The following MYT1L variants were observed in gnomAD, a reference collection of about 807,000 sequenced individuals.
MYT1L encodes myelin transcription factor 1 like.
In MYT1L, 12 loss-of-function variants were observed where a neutral mutation model predicts 126.7. That is an observed-to-expected ratio of 0.09 (90% CI 0.06 to 0.15). The LOEUF (loss-of-function observed/expected upper bound fraction) is 0.15, where lower values mean the gene tolerates loss of function less well. Among genes scored for constraint, MYT1L ranks in the 10% least tolerant of loss-of-function variants. MYT1L has a pLI of 1.00. For synonymous variants in MYT1L, 541 were observed against 604.2 expected, an observed-to-expected ratio of 0.90 and a Z score of 1.53; for missense variants, 979 against 1,585.2, an observed-to-expected ratio of 0.62 and a Z score of 6.49.
At chr2:2,144,196 G>A (rs1447441188) in intron 3 of MYT1L, among the ~76,000 whole-genome samples, 1 of 152,096 alleles carries the variant, frequency 6.6e-6, no homozygotes, top group Non-Finnish European at 1.5e-5. Flanking sequence ...CGTCAGGTGG[G>A]GGTGGGGGAG....
intron 18 of MYT1L, among the ~76,000 whole-genome samples, chr2:1,873,354 C>A (rs1056979176): frequency 1.3e-5 from 2 of 152,196 alleles, no homozygotes; most frequent in African/African-American, 2.4e-5. Context: ...AAGCTAAAGG[C>A]AGACATTTTT....
chr2:1,863,919 G>A (rs1039351203), intron 18 of MYT1L, among the ~76,000 whole-genome samples: 3 of 152,220 alleles, frequency 2.0e-5, no homozygotes, highest in Admixed American at 6.5e-5. Context: ...CATGGTTGAC[G>A]GAGGAAAGAA....
chr2:1,970,949 T>C (rs2059769198), intron 8 of MYT1L, among the ~76,000 whole-genome samples: 1 of 152,268 alleles, frequency 6.6e-6, no homozygotes, highest in Admixed American at 6.5e-5. Flanking sequence ...TGTTCATCAG[T>C]ATACTTATTG....
intron 4 of MYT1L, among the ~76,000 whole-genome samples, chr2:2,027,150 G>A (rs2065721939): frequency 6.6e-6 from 1 of 152,168 alleles, no homozygotes; most frequent in South Asian, 2.1e-4. Context: ...AGCCGCCCCT[G>A]AGAGAGGCAG....
At position 2,294,895 on chromosome 2, in the gene MYT1L, G is replaced by A. The variant is rs892645949; in HGVS notation, c.-520-10392C>T. Among the ~76,000 whole-genome samples the A allele has an allele frequency of 5.3e-5, 8 of 152,164 alleles. No homozygotes were observed. In the East Asian group the frequency reaches 7.7e-4, roughly 15 times the overall value. Reference sequence around the variant, plus strand: ...CCTGTCCGCAAGAAGCTAACATTCCGGGTGGAGAAGCAATCAATGTGCATA... The same window carrying A: ...CCTGTCCGCAAGAAGCTAACATTCCAGGTGGAGAAGCAATCAATGTGCATA... On this transcript the variant is annotated intron_variant, in intron 1 of 24. Coordinates refer to ENST00000647738, the MANE Select transcript of MYT1L (RefSeq NM_001303052.2).
intron 8 of MYT1L, among the ~76,000 whole-genome samples, chr2:1,961,926 T>C (rs545657512): frequency 3.9e-5 from 6 of 152,322 alleles, no homozygotes; most frequent in Admixed American, 1.3e-4. Flanking sequence ...AATAATGTAT[T>C]GTGTATTTCA....
intron 15 of MYT1L, among the ~76,000 whole-genome samples, chr2:1,891,194 A>G (rs2048829476): frequency 6.6e-6 from 1 of 152,188 alleles, no homozygotes; most frequent in Non-Finnish European, 1.5e-5. Flanking sequence ...CCAACTACAA[A>G]TATTTACAAG....
chr2:2,041,446 C>T (rs1404556856), intron 4 of MYT1L, among the ~76,000 whole-genome samples: 9 of 152,208 alleles, frequency 5.9e-5, no homozygotes, highest in Admixed American at 1.3e-4. Flanking sequence ...CTGCTCAGTG[C>T]TTTGCAAGCT....
chr2:2,311,949 A>G (rs1179012856), intron 1 of MYT1L, among the ~76,000 whole-genome samples: 2 of 152,240 alleles, frequency 1.3e-5, no homozygotes, highest in Non-Finnish European at 2.9e-5. Context: ...CACAGAGTGC[A>G]AATGAATCAT....
At chr2:1,850,229 TTCCTTCCTTCCTTCCTTCCTTCCC>T (rs1459781737) in intron 19 of MYT1L, among the ~76,000 whole-genome samples, 3 of 96,708 alleles carry the variant, frequency 3.1e-5, no homozygotes, top group Non-Finnish European at 4.2e-5. Context: ...CCTTCCTTCC[TTCCTTCCTTCCTTCCTTCCTTCCC>T]TGTCTTTTCT....
intron 2 of MYT1L, among the ~76,000 whole-genome samples, chr2:2,227,346 T>G (rs1216505392): frequency 2.0e-5 from 3 of 152,212 alleles, no homozygotes; most frequent in Non-Finnish European, 4.4e-5. Flanking sequence ...ACTTGACATC[T>G]CGACTGAGAT....
chr2:1,967,888 C>T lies in MYT1L; in HGVS notation c.152+11277G>A, dbSNP rs187221460. Reference sequence around the variant, plus strand: ...GGGGAGGGCAGGAGCCTAGACTCCACTTCCGCAAAGAGTCCTGCTGTCTGT... The same window carrying T: ...GGGGAGGGCAGGAGCCTAGACTCCATTTCCGCAAAGAGTCCTGCTGTCTGT... On this transcript the variant is annotated intron_variant, in intron 8 of 24. Coordinates refer to ENST00000647738, the MANE Select transcript of MYT1L (RefSeq NM_001303052.2). Among the ~76,000 whole-genome samples, 14 of 152,306 alleles carry T rather than the reference C, an allele frequency of 9.2e-5. No homozygotes were observed. The East Asian group carries it at 2.7e-3, about 29-fold the overall frequency.
chr2:1,918,680 T>C (rs530876721), intron 10 of MYT1L, among the ~76,000 whole-genome samples: 1 of 152,372 alleles, frequency 6.6e-6, no homozygotes, highest in Non-Finnish European at 1.5e-5. Context: ...TTATTCTGCA[T>C]AATGTGCCTC....
chr2:2,276,546 G>A (rs2095361966), intron 2 of MYT1L, among the ~76,000 whole-genome samples: 6 of 152,056 alleles, frequency 3.9e-5, no homozygotes, highest in Admixed American at 3.9e-4. Context: ...TATTTGTTTG[G>A]GTTTGTTAGT....
intron 4 of MYT1L, among the ~76,000 whole-genome samples, chr2:2,004,976 C>CTTCTTTCCTGCAGGCG (rs1380594801): frequency 2.0e-5 from 2 of 101,978 alleles, no homozygotes; most frequent in Non-Finnish European, 3.8e-5. Flanking sequence ...TCCTGCATGC[C>CTTCTTTCCTGCAGGCG]TTCTTTCCTG....
At chr2:2,033,092 G>A (rs2066552955) in intron 4 of MYT1L, among the ~76,000 whole-genome samples, 1 of 132,854 alleles carries the variant, frequency 7.5e-6, no homozygotes, top group African/African-American at 2.9e-5. Context: ...GTGGCCCAGA[G>A]CAGATTCTAG....
At chr2:1,859,069 T>C (rs1390371024) in intron 18 of MYT1L, among the ~76,000 whole-genome samples, 1 of 152,188 alleles carries the variant, frequency 6.6e-6, no homozygotes. Flanking sequence ...CTTCAGCCAC[T>C]CTGGGTCTCC....
intron 3 of MYT1L, among the ~76,000 whole-genome samples, chr2:2,148,418 G>A (rs957981351): frequency 1.3e-5 from 2 of 152,182 alleles, no homozygotes; most frequent in Non-Finnish European, 2.9e-5. Context: ...GATGGGGGGC[G>A]GAGCTCAGGC....
At chr2:2,099,721 T>A (rs1203157214) in intron 3 of MYT1L, among the ~76,000 whole-genome samples, 1 of 152,174 alleles carries the variant, frequency 6.6e-6, no homozygotes, top group Non-Finnish European at 1.5e-5. Flanking sequence ...AACTCCAAGA[T>A]CACCAGATAC....
Sources: gnomAD v4.1 joint callset for allele counts (sites outside exome capture counted in the v4.1 genomes callset) on GRCh38, gnomAD v4.1.1 for gene constraint, MANE v1.5 for transcripts, NCBI Gene and HGNC (gene_info 2026-07-23, HGNC 2026-07-21) for gene names.